The following MANEAL variants were observed in gnomAD, a reference collection of about 807,000 sequenced individuals.
MANEAL encodes mannosidase endo-alpha like.
A neutral mutation model predicts 35.9 loss-of-function variants in MANEAL; 28 were observed. The observed-to-expected ratio is 0.78, with a 90% CI of 0.58 to 1.07. MANEAL has a LOEUF of 1.07. MANEAL is among the 50% of genes least tolerant of loss of function. The pLI is 0.00. For synonymous variants in MANEAL, 286 were observed against 272.2 expected (o/e 1.05, Z -0.50); for missense variants, 576 against 629.6 (o/e 0.91, Z 0.91).
Position 37,800,699 on chromosome 1 carries a change from T to G in MANEAL, c.*496T>G. 6.0e-6 allele frequency: 1 copy of G among 165,506 alleles called. No homozygotes were observed. The highest frequency in any genetic ancestry group is 1.3e-5 in the Non-Finnish European group (1 of 75,138). 10.3% of individuals were successfully genotyped at this position (165,506 alleles called of 1,614,324 possible). A position where few individuals can be genotyped will look rare whatever the true frequency, so the allele number is the denominator to read the frequency against. On this transcript the variant is annotated 3_prime_UTR_variant, in exon 4 of 4. Coordinates refer to ENST00000373045, the MANE Select transcript of MANEAL (RefSeq NM_001113482.2). ...AAAAAGGGAACTTCTAGGTTTAAGC[T>G]CCTCCCAGTAGATTCCTGAACCCAA... is the stretch of plus-strand genomic sequence containing the variant.
In MANEAL at chr1:37,800,222, TGA is replaced by T; in HGVS notation, c.*21_*22del. ...CATGTGAGGGGCCTGTAAATGGGCG[TGA>T]GGTGCTGATGTCCTTGCCTTGCTGG... On this transcript the variant is annotated 3_prime_UTR_variant, in exon 4 of 4. Coordinates refer to ENST00000373045, the MANE Select transcript of MANEAL (RefSeq NM_001113482.2). The T allele has an allele frequency of 6.2e-7, 1 of 1,607,954 alleles. No homozygotes were observed. The highest frequency in any genetic ancestry group is 8.5e-7 in the Non-Finnish European group (1 of 1,178,678).
Position 37,794,151 on chromosome 1 carries a change from A to G in MANEAL, c.-32A>G, listed in dbSNP as rs1646621152. ...GCCATGGCGCGGCACGCTGGGAGGT[A>G]GCGCGGCGGCTGCAGGAGCGCACAG... On this transcript the variant is annotated 5_prime_UTR_variant, in exon 1 of 4. The change abolishes the stop of an existing upstream ORF in the 5' untranslated region. Coordinates refer to ENST00000373045, the MANE Select transcript of MANEAL (RefSeq NM_001113482.2). The surrounding 1 kb of genome is among the most constrained non-coding windows in gnomAD (Gnocchi z 5.7). 3.5e-6 allele frequency: 4 copies of G among 1,138,676 alleles called. No individual in the cohort carries two copies. The highest frequency in any genetic ancestry group is 4.3e-6 in the Non-Finnish European group (4 of 928,834). The allele number at this position is 1,138,676 out of a possible 1,614,324, so 70.5% of individuals were successfully genotyped here.
chr1:37,799,838 C>A lies in MANEAL; in HGVS notation c.1009C>A (p.His337Asn). ...CAATGGTTTCTCCTTTGGTTCTTCC[C>A]ATCAGAACTGGAAAGCTGTGAAGAA... ...ASNGFSFGSSHQNWKAVKNFC... is the reference protein window; with the variant it reads ...ASNGFSFGSSNQNWKAVKNFC... Residue 337 changes from histidine to asparagine, a missense_variant, in exon 4 of 4, where the codon CAT becomes AAT. His to Asn is a moderately conservative substitution (Grantham distance 68). Around this residue, in one of 3 missense-constraint regions of MANEAL, gnomAD observed 449 missense variants for 516.1 expected, o/e 0.87. Coordinates refer to ENST00000373045, the MANE Select transcript of MANEAL (RefSeq NM_001113482.2). This position sits in a 1 kb window ranked among gnomAD's most constrained non-coding sequence, Gnocchi z 4.1. The A allele has an allele frequency of 6.2e-7, 1 of 1,614,236 alleles. No homozygotes were observed. The highest frequency in any genetic ancestry group is 1.1e-5 in the South Asian group (1 of 91,082).
rs1195257428 is a variant in MANEAL at position 37,794,215 on chromosome 1, TCTGTTC to T, written c.37_42del (p.Phe13_Leu14del). ...GGCGGCGGCGCCGCGCCTGCATCGC[TCTGTTC>T]CTGGTGCTGCTCTTCGCCTTCGGCA... On this transcript the variant is annotated inframe_deletion, in exon 1 of 4. Coordinates refer to ENST00000373045, the MANE Select transcript of MANEAL (RefSeq NM_001113482.2). The surrounding 1 kb of genome is among the most constrained non-coding windows in gnomAD (Gnocchi z 5.7). 1 of 1,315,534 alleles carries T rather than the reference TCTGTTC, an allele frequency of 7.6e-7. No homozygotes were observed. The highest frequency in any genetic ancestry group is 9.9e-7 in the Non-Finnish European group (1 of 1,014,712). The allele number at this position is 1,315,534 out of a possible 1,614,324, so 81.5% of individuals were successfully genotyped here. A position where few individuals can be genotyped will look rare whatever the true frequency, so the allele number is the denominator to read the frequency against.
rs1646693825 is a variant in MANEAL, at chr1:37,801,014, A to C, written c.*811A>C. 1 of 152,516 alleles carries C rather than the reference A, an allele frequency of 6.6e-6. No homozygotes were observed. Among genetic ancestry groups the C allele is most frequent in the African/African-American group, 2.4e-5 (1 of 41,430 alleles). The allele number at this position is 152,516 out of a possible 1,614,324, so 9.4% of individuals were successfully genotyped here. On this transcript the variant is annotated 3_prime_UTR_variant, in exon 4 of 4. Coordinates refer to ENST00000373045, the MANE Select transcript of MANEAL (RefSeq NM_001113482.2). ...CCCAGATGCATATTTAGCTCTAGGG[A>C]GAGGACTAGGAGGAAATCCCCCTCC...
intron 1 of MANEAL, chr1:37,795,481 C>T (rs570481724): frequency 7.6e-7 from 1 of 1,315,166 alleles, no homozygotes; most frequent in African/African-American, 1.5e-5. Context: ...CTACTACTTG[C>T]TGAGGCAGTC....
chr1:37,796,764 C>T lies in MANEAL; in HGVS notation c.681C>T (p.Pro227=). 6.2e-7 allele frequency: 1 copy of T among 1,603,240 alleles called. No homozygotes were observed. The highest frequency in any genetic ancestry group is 1.7e-5 in the Admixed American group (1 of 57,882). Residue 227 remains proline (P), a synonymous_variant, in exon 3 of 4, where the codon CCC becomes CCT. Coordinates refer to ENST00000373045, the MANE Select transcript of MANEAL (RefSeq NM_001113482.2). ...YSIQVAFHIQ[P]YKGRDDITVH... ...GGCAGGTGGCCTTCCACATCCAACC[C>T]TACAAGGGCCGGGATGACATCACTG...
Position 37,799,544 on chromosome 1 carries a change from A to G in MANEAL, c.738-23A>G, listed in dbSNP as rs1350219728. Reference sequence around the variant, plus strand: ...TGTGCTGGTCTCTCCCATCCAGCTGAGGCTCTTCTTTCTCCTTCTCAGGTA... The same window carrying G: ...TGTGCTGGTCTCTCCCATCCAGCTGGGGCTCTTCTTTCTCCTTCTCAGGTA... On this transcript the variant is annotated intron_variant, in intron 3 of 3. Coordinates refer to ENST00000373045, the MANE Select transcript of MANEAL (RefSeq NM_001113482.2). This position sits in a 1 kb window ranked among gnomAD's most constrained non-coding sequence, Gnocchi z 4.1. 6.2e-7 allele frequency: 1 copy of G among 1,604,582 alleles called. No individual in the cohort carries two copies. Among genetic ancestry groups the G allele is most frequent in the Admixed American group, 1.7e-5 (1 of 59,326 alleles).
chr1:37,799,663 G>A lies in MANEAL; in HGVS notation c.834G>A (p.Glu278=). The A allele has an allele frequency of 6.2e-7, 1 of 1,614,162 alleles. No homozygotes were observed. The highest frequency in any genetic ancestry group is 8.5e-7 in the Non-Finnish European group (1 of 1,180,042). Reference sequence around the variant, plus strand: ...ACGACTCATACCTGACGTCCCCTGAGGCCTGGGCCCACCTCCTGACACCAA... The same window carrying A: ...ACGACTCATACCTGACGTCCCCTGAAGCCTGGGCCCACCTCCTGACACCAA... ...YIYDSYLTSP[E]AWAHLLTPNG... The change falls in exon 4 of 4, where the codon GAG becomes GAA. Residue 278 remains glutamate, a synonymous_variant. Transcript: ENST00000373045. The surrounding 1 kb of genome is among the most constrained non-coding windows in gnomAD (Gnocchi z 4.1).
rs147295378 is a variant in MANEAL, at chr1:37,798,907, C to T, written c.738-660C>T. Among the ~76,000 whole-genome samples the T allele has an allele frequency of 3.4e-3, 515 of 151,730 alleles. 2 individuals are homozygous for T. The highest frequency in any genetic ancestry group is 5.3e-3 in the African/African-American group (221 of 41,338). On this transcript the variant is annotated intron_variant, in intron 3 of 3. Coordinates refer to ENST00000373045, the MANE Select transcript of MANEAL (RefSeq NM_001113482.2). ...TACAAAAATTAGGCAGGTATGGTAG[C>T]GGGTGCCTGTAATTCCAGCTACTTG... is the stretch of plus-strand genomic sequence containing the variant.
In MANEAL at chr1:37,799,945, C is replaced by T; in HGVS notation, c.1116C>T (p.Asn372=). 1 of 1,614,246 alleles carries T rather than the reference C, an allele frequency of 6.2e-7. No homozygotes were observed. The highest frequency in any genetic ancestry group is 8.5e-7 in the Non-Finnish European group (1 of 1,180,046). ...ACACCAGCATTCGGCCCTGGAACAACCACAATACGCGCAACAGGGTCAATG... is the reference window on the plus strand; with the variant it reads ...ACACCAGCATTCGGCCCTGGAACAATCACAATACGCGCAACAGGGTCAATG... ...YIDTSIRPWN[N]HNTRNRVNGK... is the part of the protein sequence containing the mutation. Residue 372 remains asparagine, a synonymous_variant, in exon 4 of 4, where the codon AAC becomes AAT. Transcript: ENST00000373045. The surrounding 1 kb of genome is among the most constrained non-coding windows in gnomAD (Gnocchi z 4.1).
chr1:37,796,177 C>T (rs1204375330), intron 2 of MANEAL, among the ~76,000 whole-genome samples: 3 of 152,188 alleles, frequency 2.0e-5, no homozygotes, highest in Non-Finnish European at 4.4e-5. Context: ...AGACTCAACT[C>T]TCTAGTGGGA....
Position 37,794,557 on chromosome 1 carries a change from G to A in MANEAL, c.375G>A (p.Trp125Ter), listed in dbSNP as rs993229633. 4 of 1,611,776 alleles carry A rather than the reference G, an allele frequency of 2.5e-6. No homozygotes were observed. The Admixed American group carries it at 6.7e-5, about 27-fold the overall frequency. ...SPRREGHYIH[W>*]DHVMVPHWDP... ...GGCGCGAGGGCCACTACATTCACTG[G>A]GACCACGTCATGGTGCCGCACTGGG... The change falls in exon 1 of 4, where the codon TGG becomes TGA. Residue 125 changes from tryptophan to a stop codon, truncating the protein, a stop_gained. Coordinates refer to ENST00000373045, the MANE Select transcript of MANEAL (RefSeq NM_001113482.2). LOFTEE classifies it high-confidence loss of function. This position sits in a 1 kb window ranked among gnomAD's most constrained non-coding sequence, Gnocchi z 5.7.
In MANEAL at chr1:37,800,681, G is replaced by A. The variant is rs1646690752; in HGVS notation, c.*478G>A. ...ACCATATTTGAGACTTTCAAAAAGG[G>A]AACTTCTAGGTTTAAGCTCCTCCCA... On this transcript the variant is annotated 3_prime_UTR_variant, in exon 4 of 4. Transcript: ENST00000373045. The A allele has an allele frequency of 5.9e-6, 1 of 169,016 alleles. No homozygotes were observed. Among genetic ancestry groups the A allele is most frequent in the Admixed American group, 5.5e-5 (1 of 18,250 alleles). The allele number at this position is 169,016 out of a possible 1,614,324, so 10.5% of individuals were successfully genotyped here.
chr1:37,797,269 C>T (rs1236769933), intron 3 of MANEAL, among the ~76,000 whole-genome samples: 7 of 151,658 alleles, frequency 4.6e-5, no homozygotes, highest in Non-Finnish European at 8.8e-5. Context: ...GGCGTGGTGG[C>T]GCACACCTGT....
At position 37,794,891 on chromosome 1, in the gene MANEAL, A is replaced by T. The variant is rs1261881049; in HGVS notation, c.550+159A>T. Among the ~76,000 whole-genome samples the T allele has an allele frequency of 6.6e-6, 1 of 151,950 alleles. No homozygotes were observed. Among genetic ancestry groups the T allele is most frequent in the African/African-American group, 2.4e-5 (1 of 41,352 alleles). ...CTCCCACTCTCATCCTGGGCCCACC[A>T]TGCGACACCGCCCCTCCGTCTAGTA... On this transcript the variant is annotated intron_variant, in intron 1 of 3. Coordinates refer to ENST00000373045, the MANE Select transcript of MANEAL (RefSeq NM_001113482.2). The surrounding 1 kb of genome is among the most constrained non-coding windows in gnomAD (Gnocchi z 5.7).
At position 37,799,086 on chromosome 1, in the gene MANEAL, C is replaced by G. The variant is rs573737622; in HGVS notation, c.738-481C>G. ...GAAGAAAAAAGAAAAGAAAAAGGGTCAGCTCTGCAAAGATCCGGAGGCAGG... is the reference window on the plus strand; with the variant it reads ...GAAGAAAAAAGAAAAGAAAAAGGGTGAGCTCTGCAAAGATCCGGAGGCAGG... On this transcript the variant is annotated intron_variant, in intron 3 of 3. Transcript: ENST00000373045. This position sits in a 1 kb window ranked among gnomAD's most constrained non-coding sequence, Gnocchi z 4.1. Among the ~76,000 whole-genome samples, 3 of 151,960 alleles carry G rather than the reference C, an allele frequency of 2.0e-5. No individual in the cohort carries two copies. The highest frequency in any genetic ancestry group is 2.9e-5 in the Non-Finnish European group (2 of 68,008).
Position 37,796,743 on chromosome 1 carries a change from G to A in MANEAL, c.661-1G>A. On this transcript the variant is annotated splice_acceptor_variant, in intron 2 of 3. Transcript: ENST00000373045. LOFTEE classifies it high-confidence loss of function. ...GACCATTACTCCTCTGTTTGTGGCA[G>A]GTGGCCTTCCACATCCAACCCTACA... 1 of 1,596,568 alleles carries A rather than the reference G, an allele frequency of 6.3e-7. No individual in the cohort carries two copies. The highest frequency in any genetic ancestry group is 8.5e-7 in the Non-Finnish European group (1 of 1,172,362).
At chr1:37,796,701 T>G (rs1454730731) in intron 2 of MANEAL, 43 bp from the exon 3 acceptor site, 1 of 1,547,566 alleles carries the variant, frequency 6.5e-7, no homozygotes, top group African/African-American at 1.4e-5. Flanking sequence ...TTGTGGCCCC[T>G]AGATAGACAC....
Sources: allele counts gnomAD v4.1 joint callset (sites outside exome capture counted in the v4.1 genomes callset), GRCh38; gene constraint gnomAD v4.1.1; regional missense constraint gnomAD v4.1.1; non-coding constraint Gnocchi (gnomAD v3.1); transcripts MANE v1.5; gene names NCBI Gene and HGNC (gene_info 2026-07-23, HGNC 2026-07-21).